Variants in MCTP1 observed in about 807,000 individuals in gnomAD.
MCTP1 encodes multiple C2 and transmembrane domain-containing protein 1.
In MCTP1, 69 loss-of-function variants were observed where a neutral mutation model predicts 120.6. The observed-to-expected ratio is 0.57, with a 90% CI of 0.47 to 0.70. The LOEUF (loss-of-function observed/expected upper bound fraction) is 0.70. Ranked by LOEUF, MCTP1 falls within the 30% of genes least tolerant of loss-of-function variation. The pLI is 0.00. For missense variants in MCTP1, 1,203 were observed against 1,248.8 expected, an observed-to-expected ratio of 0.96 and a Z score of 0.55; for synonymous variants, 529 against 493.1, an observed-to-expected ratio of 1.07 and a Z score of -0.96.
chr5:94,791,377 C>T (rs1193952819), intron 18 of MCTP1, among the ~76,000 whole-genome samples: 1 of 151,608 alleles, frequency 6.6e-6, no homozygotes, highest in Non-Finnish European at 1.5e-5. Flanking sequence ...CACCTGTTGT[C>T]CCAGCTAGGC....
chr5:94,999,611 G>T (rs1833275694), intron 2 of MCTP1, among the ~76,000 whole-genome samples: 1 of 152,110 alleles, frequency 6.6e-6, no homozygotes, highest in East Asian at 1.9e-4. Flanking sequence ...AATTAAAATT[G>T]ATCCTCTTTT....
At chr5:95,076,704 C>T (rs113514133) in intron 1 of MCTP1, among the ~76,000 whole-genome samples, 19 of 152,074 alleles carry the variant, frequency 1.2e-4, no homozygotes, top group African/African-American at 3.6e-4. Flanking sequence ...AATAACACAA[C>T]GCATCTGTAC....
At chr5:94,963,686 A>G (rs1365228809) in intron 2 of MCTP1, among the ~76,000 whole-genome samples, 1 of 152,010 alleles carries the variant, frequency 6.6e-6, no homozygotes, top group Non-Finnish European at 1.5e-5. Context: ...ACTGAGTTGT[A>G]GTAGTTCCTT....
chr5:95,244,692 A>G (rs757223049), intron 1 of MCTP1, among the ~76,000 whole-genome samples: 11 of 152,190 alleles, frequency 7.2e-5, no homozygotes, highest in Non-Finnish European at 1.0e-4. Context: ...GGGAAGCATG[A>G]ACTGGGTGGA....
At chr5:94,876,046 A>G (rs181892539) in intron 12 of MCTP1, among the ~76,000 whole-genome samples, 7 of 152,268 alleles carry the variant, frequency 4.6e-5, no homozygotes, top group Admixed American at 1.3e-4. Flanking sequence ...ATACTAGTAA[A>G]TGTACAACAT....
chr5:94,970,864 T>C (rs1319745652), intron 2 of MCTP1, among the ~76,000 whole-genome samples: 1 of 151,880 alleles, frequency 6.6e-6, no homozygotes, highest in East Asian at 1.9e-4. Flanking sequence ...TTTTTTTTCT[T>C]GGCTATCCCA....
intron 17 of MCTP1, among the ~76,000 whole-genome samples, chr5:94,803,602 T>C (rs1180467067): frequency 6.6e-6 from 1 of 152,234 alleles, no homozygotes; most frequent in Non-Finnish European, 1.5e-5. Flanking sequence ...TTAGGTGTTC[T>C]GACAAGCAGG....
At chr5:95,167,194 T>A (rs1026153081) in intron 1 of MCTP1, among the ~76,000 whole-genome samples, 1 of 152,166 alleles carries the variant, frequency 6.6e-6, no homozygotes, top group East Asian at 1.9e-4. Flanking sequence ...TAGCTCAGAA[T>A]GATGGTTTCC....
At chr5:94,907,691 G>T (rs1034879997) in intron 10 of MCTP1, among the ~76,000 whole-genome samples, 1 of 151,906 alleles carries the variant, frequency 6.6e-6, no homozygotes, top group African/African-American at 2.4e-5. Flanking sequence ...AAAAGAAAAT[G>T]ATCAGTCCCA....
chr5:95,132,143 C>A (rs186537904), intron 1 of MCTP1, among the ~76,000 whole-genome samples: 1 of 152,222 alleles, frequency 6.6e-6, no homozygotes, highest in East Asian at 1.9e-4. Context: ...ATGACAATTC[C>A]GTAGAGAATT....
chr5:94,797,175 C>T (rs548902609), intron 18 of MCTP1, among the ~76,000 whole-genome samples: 13 of 152,050 alleles, frequency 8.5e-5, no homozygotes, highest in South Asian at 6.2e-4. Context: ...CTTCCAAAAG[C>T]GGATGTTTCC....
chr5:94,862,992 A>G (rs1179273661), intron 17 of MCTP1, among the ~76,000 whole-genome samples: 2 of 151,800 alleles, frequency 1.3e-5, no homozygotes, highest in Non-Finnish European at 2.9e-5. Context: ...AATCAGTGAA[A>G]TTTTATATAG....
chr5:94,785,604 T>C (rs1026611333), intron 18 of MCTP1, among the ~76,000 whole-genome samples: 5 of 152,198 alleles, frequency 3.3e-5, no homozygotes, highest in African/African-American at 1.2e-4. Context: ...TCAAAATATT[T>C]TATACATTAA....
chr5:95,107,800 T>A (rs1757196843), intron 1 of MCTP1, among the ~76,000 whole-genome samples: 1 of 152,220 alleles, frequency 6.6e-6, no homozygotes, highest in Admixed American at 6.5e-5. Context: ...TTCCTTTAGT[T>A]GGGATAAAGC....
chr5:95,247,237 G>T (rs1050507718), intron 1 of MCTP1, among the ~76,000 whole-genome samples: 1 of 151,836 alleles, frequency 6.6e-6, no homozygotes, highest in Non-Finnish European at 1.5e-5. Flanking sequence ...CGGTGGTGAT[G>T]TCCCCTGTAT....
In MCTP1 at chr5:94,889,750, C is replaced by CCACACACACACACA. The variant is rs750983646; in HGVS notation, c.1840-792_1840-779dup. On this transcript the variant is annotated intron_variant, in intron 11 of 22. Transcript: ENST00000515393. ...ACCCTTCCACCCTCATGAATGTACA[C>CCACACACACACACA]CACACACACACACACACACACACAC... Among the ~76,000 whole-genome samples, 92 of 145,712 alleles carry CCACACACACACACA rather than the reference C, an allele frequency of 6.3e-4. 1 individual carries two copies. Among genetic ancestry groups the CCACACACACACACA allele is most frequent in the South Asian group, 1.3e-3 (6 of 4,492 alleles).
chr5:94,752,430 G>A (rs1467020470), intron 19 of MCTP1, among the ~76,000 whole-genome samples: 1 of 151,912 alleles, frequency 6.6e-6, no homozygotes, highest in African/African-American at 2.4e-5. Flanking sequence ...ACATACCTAA[G>A]TTCAGAGGTT....
At chr5:95,252,920 T>A (rs904496575) in intron 1 of MCTP1, among the ~76,000 whole-genome samples, 1 of 152,146 alleles carries the variant, frequency 6.6e-6, no homozygotes, top group African/African-American at 2.4e-5. Context: ...CTGTAGCAAA[T>A]ATAGCTCAAT....
chr5:95,225,812 A>G (rs1023715473), intron 1 of MCTP1, among the ~76,000 whole-genome samples: 6 of 151,852 alleles, frequency 4.0e-5, no homozygotes, highest in East Asian at 3.9e-4. Context: ...TCTTCTCTCC[A>G]TCTCCCTTCC....
Sources: allele counts gnomAD v4.1 joint callset (sites outside exome capture counted in the v4.1 genomes callset), GRCh38; gene constraint gnomAD v4.1.1; transcripts MANE v1.5; gene names NCBI Gene and HGNC (gene_info 2026-07-23, HGNC 2026-07-21).